FMN1: variants seen among roughly 807,000 people sequenced by gnomAD.
FMN1 encodes formin 1, also known as formin-1.
A neutral mutation model predicts 132.4 loss-of-function variants in FMN1; 110 were observed. The observed-to-expected ratio is 0.83, with a 90% CI of 0.71 to 0.97. The LOEUF (loss-of-function observed/expected upper bound fraction) is 0.97, where lower values mean the gene tolerates loss of function less well. FMN1 is among the 50% of genes least tolerant of loss of function. FMN1 has a pLI of 0.00. For missense variants in FMN1, 1,792 were observed against 1,705.3 expected, an observed-to-expected ratio of 1.05 and a Z score of -0.90; for synonymous variants, 722 against 651.7, an observed-to-expected ratio of 1.11 and a Z score of -1.64.
intron 6 of FMN1, among the ~76,000 whole-genome samples, chr15:33,058,618 T>A (rs74005300): frequency 6.6e-6 from 1 of 152,198 alleles, no homozygotes; most frequent in African/African-American, 2.4e-5. Flanking sequence ...CTTTGATTCC[T>A]ATTTGAGGAA....
intron 6 of FMN1, among the ~76,000 whole-genome samples, chr15:33,018,048 G>T (rs1014921875): frequency 1.4e-5 from 2 of 144,530 alleles, no homozygotes; most frequent in African/African-American, 2.6e-5. Flanking sequence ...CTGGGCAACA[G>T]AGCGACACTA....
At chr15:33,150,796 G>A in intron 4 of FMN1, 3 of 986,168 alleles carry the variant, frequency 3.0e-6, no homozygotes, top group Non-Finnish European at 3.6e-6. Context: ...TATTTCCACA[G>A]GAAATAAATG....
chr15:32,859,943 T>G (rs1415189509), intron 16 of FMN1, among the ~76,000 whole-genome samples: 1 of 152,028 alleles, frequency 6.6e-6, no homozygotes, highest in Non-Finnish European at 1.5e-5. Flanking sequence ...GAGGCTGATC[T>G]GGGAGGGTTT....
intron 3 of FMN1, among the ~76,000 whole-genome samples, chr15:33,162,999 G>A (rs1964955846): frequency 6.6e-6 from 1 of 152,066 alleles, no homozygotes; most frequent in Admixed American, 6.6e-5. Flanking sequence ...GCTGGCACCT[G>A]TAGTACCAGC....
chr15:32,857,034 T>C lies in FMN1; in HGVS notation c.3909A>G (p.Leu1303=). 1 of 1,613,050 alleles carries C rather than the reference T, an allele frequency of 6.2e-7. No individual in the cohort carries two copies. The highest frequency in any genetic ancestry group is 8.5e-7 in the Non-Finnish European group (1 of 1,179,006). The change falls in exon 17 of 21, where the codon CTA becomes CTG. Residue 1303 remains leucine, a synonymous_variant. Transcript: ENST00000616417. ...TCCTACCTTTTTGGAAGAACTCCTCTAGTTTGTCCTTGAAAGGCTGGAGAT... is the reference window on the plus strand; with the variant it reads ...TCCTACCTTTTTGGAAGAACTCCTCCAGTTTGTCCTTGAAAGGCTGGAGAT... ...KEYLQPFKDK[L]EEFFQKAKKE...
At chr15:32,984,279 CT>C (rs1273439530) in intron 7 of FMN1, among the ~76,000 whole-genome samples, 1 of 151,982 alleles carries the variant, frequency 6.6e-6, no homozygotes, top group Non-Finnish European at 1.5e-5. Context: ...TTTTTATTTT[CT>C]TTTATGCAAT....
chr15:32,811,473 T>A (rs1201766476), intron 17 of FMN1, among the ~76,000 whole-genome samples: 1 of 151,784 alleles, frequency 6.6e-6, no homozygotes, highest in Non-Finnish European at 1.5e-5. Context: ...AGGCTTTTGG[T>A]GAAAGTACCA....
chr15:33,090,205 G>A (rs920967742), intron 4 of FMN1, among the ~76,000 whole-genome samples: 1 of 152,150 alleles, frequency 6.6e-6, no homozygotes, highest in African/African-American at 2.4e-5. Flanking sequence ...TTGAATATAC[G>A]ACAGAGTGTT....
chr15:33,115,422 G>A (rs1020997387), intron 4 of FMN1, among the ~76,000 whole-genome samples: 4 of 152,030 alleles, frequency 2.6e-5, no homozygotes, highest in East Asian at 1.9e-4. Context: ...GCTTATGAAA[G>A]AGGTAGGCAA....
At chr15:33,012,866 G>C (rs139151234) in intron 6 of FMN1, 115 of 597,384 alleles carry the variant, frequency 1.9e-4, no homozygotes, top group African/African-American at 1.8e-3. Flanking sequence ...GGTAATGATG[G>C]GAGCAACACT....
intron 19 of FMN1, among the ~76,000 whole-genome samples, chr15:32,781,933 T>A (rs1041156454): frequency 6.6e-6 from 1 of 152,200 alleles, no homozygotes; most frequent in Non-Finnish European, 1.5e-5. Context: ...GTACATGGCT[T>A]TTTCTCACCT....
intron 5 of FMN1, among the ~76,000 whole-genome samples, chr15:33,075,158 G>A (rs1244426499): frequency 6.6e-6 from 1 of 151,510 alleles, no homozygotes; most frequent in African/African-American, 2.4e-5. Context: ...CCTGGAAACT[G>A]GTAAGAACAG....
intron 17 of FMN1, among the ~76,000 whole-genome samples, chr15:32,855,575 A>AGCTG (rs1251807269): frequency 6.6e-6 from 1 of 152,234 alleles, no homozygotes; most frequent in Non-Finnish European, 1.5e-5. Flanking sequence ...TCACAATATA[A>AGCTG]GCTGGCTGCT....
At chr15:33,164,575 A>T (rs1189769755) in intron 3 of FMN1, among the ~76,000 whole-genome samples, 1 of 152,202 alleles carries the variant, frequency 6.6e-6, no homozygotes, top group Non-Finnish European at 1.5e-5. Context: ...TCTCTCAAAG[A>T]CGTCGAGGAA....
At chr15:33,188,853 C>T (rs1445588299) in intron 2 of FMN1, among the ~76,000 whole-genome samples, 11 of 152,132 alleles carry the variant, frequency 7.2e-5, no homozygotes, top group African/African-American at 2.4e-5. Flanking sequence ...TGCCACTGAC[C>T]GTGTGTGACC....
At chr15:33,091,327 C>T (rs1249446948) in intron 4 of FMN1, among the ~76,000 whole-genome samples, 2 of 152,216 alleles carry the variant, frequency 1.3e-5, no homozygotes, top group Non-Finnish European at 1.5e-5. Context: ...CACACACCTG[C>T]AGTGGCTATC....
intron 7 of FMN1, among the ~76,000 whole-genome samples, chr15:32,990,245 G>A (rs1029962296): frequency 6.6e-6 from 1 of 152,108 alleles, no homozygotes; most frequent in African/African-American, 2.4e-5. Context: ...TGACTAACCA[G>A]CCACAATTTG....
At chr15:33,058,090 G>GTGCTGATGGAAAGGTGCGGCGGGGC (rs2037315622) in intron 6 of FMN1, among the ~76,000 whole-genome samples, 1 of 110,464 alleles carries the variant, frequency 9.1e-6, no homozygotes, top group Admixed American at 8.7e-5. Context: ...TGTGATGGGG[G>GTGCTGATGGAAAGGTGCGGCGGGGC]TGCTGGTGGA....
chr15:33,018,194 T>C (rs1465202076), intron 6 of FMN1, among the ~76,000 whole-genome samples: 2 of 152,204 alleles, frequency 1.3e-5, no homozygotes, highest in Admixed American at 1.3e-4. Context: ...TTAGTGTGTG[T>C]GATACTGCAA....
Sources: allele counts gnomAD v4.1 joint callset (sites outside exome capture counted in the v4.1 genomes callset), GRCh38; gene constraint gnomAD v4.1.1; transcripts MANE v1.5; gene names NCBI Gene and HGNC (gene_info 2026-07-23, HGNC 2026-07-21).